POPDC3: variants seen among roughly 807,000 people sequenced by gnomAD.
The protein encoded by POPDC3 is popeye domain-containing protein 3.
In POPDC3, 20 loss-of-function variants were observed where a neutral mutation model predicts 28.2. That is an observed-to-expected ratio of 0.71 (90% CI 0.50 to 1.03). The LOEUF (loss-of-function observed/expected upper bound fraction) is 1.03, where lower values mean the gene tolerates loss of function less well. Ranked by LOEUF, POPDC3 falls within the 50% of genes least tolerant of loss-of-function variation. POPDC3 has a pLI of 0.00. For synonymous variants in POPDC3, 118 were observed against 124.1 expected (o/e 0.95, Z 0.33); for missense variants, 316 against 345.9 (o/e 0.91, Z 0.69).
chr6:105,158,873 A>G (rs1774257754), intron 3 of POPDC3, 122 bp from the exon 4 acceptor site: 3 of 807,170 alleles, frequency 3.7e-6, no homozygotes, highest in South Asian at 1.9e-5. Flanking sequence ...GAAAAAGCCC[A>G]CTGACCTACA....
chr6:105,171,687 AATT>A (rs978226448), intron 1 of POPDC3, among the ~76,000 whole-genome samples: 75 of 148,166 alleles, frequency 5.1e-4, no homozygotes, highest in African/African-American at 1.6e-3. Flanking sequence ...TAATAATAAT[AATT>A]ATTATTATTA....
At position 105,161,516 on chromosome 6, in the gene POPDC3, T is replaced by C. The variant is rs777713349; in HGVS notation, c.394A>G (p.Ser132Gly). ...TTTTCCAAAGTAACCACTTCAGAGC[T>C]CAAAGCAATCGTTCTGAAGACAGGC... is the stretch of plus-strand genomic sequence containing the variant. ...SLPVFRTIALSSEVVTLEKEH... is the reference protein window; with the variant it reads ...SLPVFRTIALGSEVVTLEKEH... The change falls in exon 2 of 4, where the codon AGC (serine) becomes GGC (glycine). Residue 132 changes from serine to glycine, a missense_variant. Coordinates refer to ENST00000254765, the MANE Select transcript of POPDC3 (RefSeq NM_022361.5). The C allele has an allele frequency of 1.1e-5, 17 of 1,614,046 alleles. No homozygotes were observed. The Admixed American group carries it at 2.8e-4, about 27-fold the overall frequency.
At chr6:105,167,485 G>A (rs752610256) in intron 1 of POPDC3, among the ~76,000 whole-genome samples, 7 of 152,130 alleles carry the variant, frequency 4.6e-5, no homozygotes, top group Non-Finnish European at 7.4e-5. Flanking sequence ...GGTGGCTCAC[G>A]CCTGTAATCC....
At position 105,158,379 on chromosome 6, in the gene POPDC3, T is replaced by G; in HGVS notation, c.*91A>C. 8.3e-6 allele frequency: 9 copies of G among 1,089,646 alleles called. No individual in the cohort carries two copies. Among genetic ancestry groups the G allele is most frequent in the Non-Finnish European group, 1.2e-5 (9 of 771,364 alleles). 67.5% of individuals were successfully genotyped at this position (1,089,646 alleles called of 1,614,324 possible). A position where few individuals can be genotyped will look rare whatever the true frequency, so the allele number is the denominator to read the frequency against. On this transcript the variant is annotated 3_prime_UTR_variant, in exon 4 of 4. Coordinates refer to ENST00000254765, the MANE Select transcript of POPDC3 (RefSeq NM_022361.5). ...CTTCTGAATTTGATTTATAAAAACA[T>G]TAGGGAGCTCTTTTTTTGTATTTTG...
intron 1 of POPDC3, among the ~76,000 whole-genome samples, chr6:105,170,789 G>A (rs1419657213): frequency 6.6e-6 from 1 of 152,082 alleles, no homozygotes; most frequent in African/African-American, 2.4e-5. Context: ...CTTCATCAGT[G>A]GCACATTCTT....
intron 2 of POPDC3, among the ~76,000 whole-genome samples, chr6:105,160,626 T>C (rs1157420357): frequency 6.6e-6 from 1 of 152,202 alleles, no homozygotes; most frequent in African/African-American, 2.4e-5. Context: ...AGAGTCTCGT[T>C]CTGTTGCTTA....
In POPDC3 at chr6:105,179,862, A is replaced by C. The variant is rs894011150; in HGVS notation, c.-281T>G. 6.6e-6 allele frequency: 1 copy of C among 151,978 alleles called. No homozygotes were observed. The highest frequency in any genetic ancestry group is 1.5e-5 in the Non-Finnish European group (1 of 68,002). The allele number at this position is 151,978 out of a possible 1,614,324, so 9.4% of individuals were successfully genotyped here. On this transcript the variant is annotated 5_prime_UTR_variant, in exon 1 of 4. Transcript: ENST00000254765. Reference sequence around the variant, plus strand: ...CCTTCCCAGCCCTGCCCGGAGCTTCAGCCCGGCGCCCGCAGAAGTTTCCCG... The same window carrying C: ...CCTTCCCAGCCCTGCCCGGAGCTTCCGCCCGGCGCCCGCAGAAGTTTCCCG...
chr6:105,158,414 T>G lies in POPDC3; in HGVS notation c.*56A>C. 4 of 1,428,002 alleles carry G rather than the reference T, an allele frequency of 2.8e-6. No homozygotes were observed. The highest frequency in any genetic ancestry group is 3.8e-6 in the Non-Finnish European group (4 of 1,062,150). 88.5% of individuals were successfully genotyped at this position (1,428,002 alleles called of 1,614,324 possible). A position where few individuals can be genotyped will look rare whatever the true frequency, so the allele number is the denominator to read the frequency against. On this transcript the variant is annotated 3_prime_UTR_variant, in exon 4 of 4. Transcript: ENST00000254765. The stretch of plus-strand genomic sequence containing the variant: ...CTTTTTTTGTATTTTGCTATTTCAC[T>G]GGGGAATGATGAAGAGAGAGTCTTT...
chr6:105,167,417 T>G (rs1774480146), intron 1 of POPDC3, among the ~76,000 whole-genome samples: 1 of 151,962 alleles, frequency 6.6e-6, no homozygotes, highest in South Asian at 2.1e-4. Flanking sequence ...TAGGGAGAAA[T>G]GAAAGTGTTC....
At chr6:105,168,198 A>G (rs1026034947) in intron 1 of POPDC3, among the ~76,000 whole-genome samples, 3 of 152,200 alleles carry the variant, frequency 2.0e-5, no homozygotes, top group African/African-American at 7.2e-5. Flanking sequence ...CCTTTATCCT[A>G]CCAAGGGAAG....
At chr6:105,171,687 A>T (rs11756733) in intron 1 of POPDC3, among the ~76,000 whole-genome samples, 10,154 of 146,386 alleles carry the variant, frequency 0.069, 641 homozygotes, top group African/African-American at 0.16. Context: ...TAATAATAAT[A>T]ATTATTATTA....
At chr6:105,161,004 G>T (rs777431290) in intron 2 of POPDC3, among the ~76,000 whole-genome samples, 9 of 151,804 alleles carry the variant, frequency 5.9e-5, no homozygotes, top group Non-Finnish European at 7.4e-5. Context: ...ATTTACTGAA[G>T]AAAAAAAGAT....
intron 1 of POPDC3, among the ~76,000 whole-genome samples, chr6:105,172,530 T>C (rs922600538): frequency 4.0e-5 from 6 of 150,544 alleles, no homozygotes; most frequent in African/African-American, 1.5e-4. Context: ...GCCATCCCAT[T>C]ACTGGGTATA....
At chr6:105,165,321 T>C (rs1489290708) in intron 1 of POPDC3, among the ~76,000 whole-genome samples, 1 of 152,258 alleles carries the variant, frequency 6.6e-6, no homozygotes, top group East Asian at 1.9e-4. Context: ...TCTGTAACTC[T>C]TAGAATACTG....
At chr6:105,173,565 G>A (rs2114546472) in intron 1 of POPDC3, among the ~76,000 whole-genome samples, 1 of 152,198 alleles carries the variant, frequency 6.6e-6, no homozygotes, top group South Asian at 2.1e-4. Context: ...AGGAGGAAGG[G>A]GTAGTTATTT....
intron 1 of POPDC3, among the ~76,000 whole-genome samples, chr6:105,171,085 C>T (rs1442458396): frequency 6.6e-6 from 1 of 152,142 alleles, no homozygotes; most frequent in East Asian, 1.9e-4. Flanking sequence ...TAATACATGG[C>T]AAACCAAGAT....
At chr6:105,172,586 CAT>C (rs894981448) in intron 1 of POPDC3, among the ~76,000 whole-genome samples, 1 of 150,826 alleles carries the variant, frequency 6.6e-6, no homozygotes, top group Non-Finnish European at 1.5e-5. Flanking sequence ...CACATGCACA[CAT>C]ATGTTTATTG....
At chr6:105,159,968 TATA>T (rs1394910733) in intron 2 of POPDC3, 149 bp from the exon 3 acceptor site, 4 of 556,438 alleles carry the variant, frequency 7.2e-6, no homozygotes, top group Non-Finnish European at 1.3e-5. Context: ...ATTCATACAT[TATA>T]ATAAGTGACA....
chr6:105,167,331 A>G (rs1178949971), intron 1 of POPDC3, among the ~76,000 whole-genome samples: 3 of 152,226 alleles, frequency 2.0e-5, no homozygotes, highest in Admixed American at 6.5e-5. Flanking sequence ...ATAAAGGGAG[A>G]GAGATTTAGC....
Sources: gnomAD v4.1 joint callset for allele counts (sites outside exome capture counted in the v4.1 genomes callset) on GRCh38, gnomAD v4.1.1 for gene constraint, MANE v1.5 for transcripts, NCBI Gene and HGNC (gene_info 2026-07-23, HGNC 2026-07-21) for gene names.